GAB1: variants seen among roughly 807,000 people sequenced by gnomAD.
GAB1 encodes the protein GRB2-associated-binding protein 1.
GAB1 carries 19 observed loss-of-function variants against 66.5 expected under a neutral mutation model. That is an observed-to-expected ratio of 0.29 (90% CI 0.20 to 0.42). The LOEUF (loss-of-function observed/expected upper bound fraction) is 0.42, where lower values mean the gene tolerates loss of function less well. Among genes scored for constraint, GAB1 ranks in the 10% least tolerant of loss-of-function variants. The pLI is 1.00. For synonymous variants in GAB1, 294 were observed against 301.4 expected (o/e 0.98, Z 0.25); for missense variants, 732 against 858.5 (o/e 0.85, Z 1.84).
At chr4:143,376,682 C>G (rs1189879851) in intron 1 of GAB1, 2 of 151,944 alleles carry the variant, frequency 1.3e-5, no homozygotes, top group Non-Finnish European at 2.9e-5. Flanking sequence ...TAAGAAATCT[C>G]ACATAAAAGT....
At chr4:143,439,773 A>G in intron 4 of GAB1, 29 bp from the exon 5 acceptor site, 1 of 1,518,624 alleles carries the variant, frequency 6.6e-7, no homozygotes, top group Non-Finnish European at 9.1e-7. Context: ...AGATGGGAAT[A>G]AATGTTGATA....
intron 3 of GAB1, 91 bp from the exon 4 acceptor site, chr4:143,437,908 A>G: frequency 1.6e-6 from 2 of 1,246,288 alleles, no homozygotes; most frequent in South Asian, 1.5e-5. Context: ...GAAAAGCCCT[A>G]TCTTTTGATT....
intron 3 of GAB1, among the ~76,000 whole-genome samples, chr4:143,437,062 A>G (rs967459779): frequency 6.6e-6 from 1 of 152,162 alleles, no homozygotes; most frequent in African/African-American, 2.4e-5. Flanking sequence ...ATGTGGCACA[A>G]TGTGGGTTTT....
At position 143,349,860 on chromosome 4, in the gene GAB1, C is replaced by A. The variant is rs1487162437; in HGVS notation, c.72+12600C>A. On this transcript the variant is annotated intron_variant, in intron 1 of 9. Coordinates refer to ENST00000262994, the MANE Select transcript of GAB1 (RefSeq NM_002039.4). Reference sequence around the variant, plus strand: ...TCAAAACCTCATCCTTGAGAGAGGCCCCCAGGAAAAAGTCAATGATCTCTG... The same window carrying A: ...TCAAAACCTCATCCTTGAGAGAGGCACCCAGGAAAAAGTCAATGATCTCTG... The A allele has an allele frequency of 1.4e-5, 22 of 1,584,092 alleles. 2 individuals are homozygous for A. In the South Asian group the frequency reaches 2.5e-4, roughly 18 times the overall value.
At chr4:143,349,875 A>G (rs1306549265) in intron 1 of GAB1, 1 of 1,584,510 alleles carries the variant, frequency 6.3e-7, no homozygotes, top group Non-Finnish European at 8.5e-7. Context: ...GGAAAAAGTC[A>G]ATGATCTCTG....
intron 1 of GAB1, among the ~76,000 whole-genome samples, chr4:143,409,221 A>G (rs1732226574): frequency 1.3e-5 from 2 of 152,200 alleles, no homozygotes; most frequent in South Asian, 2.1e-4. Context: ...GGTGAGGGAA[A>G]TAAGGTATTT....
intron 1 of GAB1, among the ~76,000 whole-genome samples, chr4:143,410,906 C>G (rs1378821784): frequency 6.6e-6 from 1 of 152,170 alleles, no homozygotes; most frequent in Non-Finnish European, 1.5e-5. Flanking sequence ...GTTAAAATGG[C>G]TCCAGCCCTC....
At chr4:143,442,881 C>G (rs1734314844) in intron 6 of GAB1, among the ~76,000 whole-genome samples, 1 of 151,904 alleles carries the variant, frequency 6.6e-6, no homozygotes, top group African/African-American at 2.4e-5. Flanking sequence ...ACAAAATGAA[C>G]TTAAAAAGAG....
chr4:143,414,975 C>T (rs1160089385), intron 1 of GAB1, among the ~76,000 whole-genome samples: 1 of 152,100 alleles, frequency 6.6e-6, no homozygotes. Flanking sequence ...CTCTCCATTT[C>T]CCACCCCTCC....
intron 6 of GAB1, among the ~76,000 whole-genome samples, chr4:143,447,113 G>A (rs1379778505): frequency 7.9e-5 from 12 of 151,730 alleles, no homozygotes; most frequent in African/African-American, 2.7e-4. Context: ...GTAGATATGC[G>A]GCGTTATTTC....
chr4:143,368,933 C>A (rs1581234861), intron 1 of GAB1, among the ~76,000 whole-genome samples: 1 of 152,124 alleles, frequency 6.6e-6, no homozygotes, highest in Admixed American at 6.5e-5. Flanking sequence ...TACAGGTGCC[C>A]ATCACCACAC....
At chr4:143,371,401 A>T (rs946978426) in intron 1 of GAB1, among the ~76,000 whole-genome samples, 1 of 151,558 alleles carries the variant, frequency 6.6e-6, no homozygotes, top group Admixed American at 6.6e-5. Context: ...GGGTTGTTTG[A>T]TTTTTTCTTG....
intron 8 of GAB1, among the ~76,000 whole-genome samples, chr4:143,465,322 A>G (rs1735724768): frequency 6.6e-6 from 1 of 151,984 alleles, no homozygotes. Context: ...CTATCTTCCT[A>G]CCTTCTTTCC....
intron 1 of GAB1, among the ~76,000 whole-genome samples, chr4:143,368,742 A>G (rs558906438): frequency 6.6e-6 from 1 of 152,256 alleles, no homozygotes; most frequent in South Asian, 2.1e-4. Flanking sequence ...GCTGCGATAC[A>G]AGGCTGTATA....
intron 1 of GAB1, among the ~76,000 whole-genome samples, chr4:143,364,930 T>C (rs2149660262): frequency 7.4e-6 from 1 of 135,344 alleles, no homozygotes; most frequent in East Asian, 2.2e-4. Flanking sequence ...CAGGCTGGAG[T>C]GCAGTGGCGC....
chr4:143,412,256 G>T (rs188644541), intron 1 of GAB1, among the ~76,000 whole-genome samples: 4 of 152,120 alleles, frequency 2.6e-5, no homozygotes, highest in Admixed American at 1.3e-4. Flanking sequence ...TTCTGTTTTT[G>T]CCATTTTCCC....
chr4:143,417,438 C>T (rs544554021), intron 2 of GAB1: 34 of 431,994 alleles, frequency 7.9e-5, no homozygotes, highest in South Asian at 4.1e-4. Flanking sequence ...GATAGGATCT[C>T]ACTTTGTCGT....
At chr4:143,357,453 C>T (rs186079408) in intron 1 of GAB1, among the ~76,000 whole-genome samples, 3 of 152,164 alleles carry the variant, frequency 2.0e-5, no homozygotes, top group Non-Finnish European at 4.4e-5. Context: ...AGGGTGAGAA[C>T]ATGAGGCAGC....
chr4:143,449,427 G>A (rs1427088844), intron 6 of GAB1, among the ~76,000 whole-genome samples: 1 of 151,770 alleles, frequency 6.6e-6, no homozygotes, highest in Non-Finnish European at 1.5e-5. Flanking sequence ...GGGAGTCTAA[G>A]TCTCTTTGTA....
Sources: gnomAD v4.1 joint callset for allele counts (sites outside exome capture counted in the v4.1 genomes callset) on GRCh38, gnomAD v4.1.1 for gene constraint, MANE v1.5 for transcripts, NCBI Gene and HGNC (gene_info 2026-07-23, HGNC 2026-07-21) for gene names.